The following MAST4 variants were observed in gnomAD, a reference collection of about 807,000 sequenced individuals.
MAST4 encodes the protein microtubule-associated serine/threonine-protein kinase 4.
MAST4 carries 89 observed loss-of-function variants against 162.7 expected under a neutral mutation model. The ratio of observed to expected loss-of-function variants is 0.55; its 90% CI spans 0.46 to 0.65. The LOEUF is 0.65. Ranked by LOEUF, MAST4 falls within the 30% of genes least tolerant of loss-of-function variation. The pLI is 0.00. For missense variants in MAST4, 3,153 were observed against 3,374.0 expected, an observed-to-expected ratio of 0.93 and a Z score of 1.62; for synonymous variants, 1,479 against 1,361.1, an observed-to-expected ratio of 1.09 and a Z score of -1.91.
intron 7 of MAST4, among the ~76,000 whole-genome samples, chr5:67,098,915 A>T (rs556021198): frequency 6.6e-6 from 1 of 152,296 alleles, no homozygotes; most frequent in South Asian, 2.1e-4. Flanking sequence ...TTGAATCAAC[A>T]TTCATACTAA....
chr5:66,799,100 T>TAA (rs1755792146), intron 3 of MAST4, among the ~76,000 whole-genome samples: 4 of 151,940 alleles, frequency 2.6e-5, no homozygotes, highest in African/African-American at 9.7e-5. Flanking sequence ...CTCATCTTTA[T>TAA]GTGCTTCTGG....
intron 5 of MAST4, among the ~76,000 whole-genome samples, chr5:67,072,237 A>G (rs1761081852): frequency 6.6e-6 from 1 of 152,230 alleles, no homozygotes; most frequent in Admixed American, 6.5e-5. Context: ...ATTTACTGTG[A>G]ATTTTTGGGA....
intron 1 of MAST4, among the ~76,000 whole-genome samples, chr5:66,693,471 G>A (rs1274082115): frequency 6.6e-6 from 1 of 152,306 alleles, no homozygotes; most frequent in Non-Finnish European, 1.5e-5. Flanking sequence ...CCAAGTGTGT[G>A]TTTTGTTTTC....
chr5:67,028,204 C>T (rs923522175), intron 4 of MAST4, among the ~76,000 whole-genome samples: 1 of 142,894 alleles, frequency 7.0e-6, no homozygotes, highest in Non-Finnish European at 1.6e-5. Flanking sequence ...AAGAAGTAAA[C>T]AACCTTGATG....
At chr5:66,653,684 A>G (rs1184257635) in intron 1 of MAST4, among the ~76,000 whole-genome samples, 1 of 152,132 alleles carries the variant, frequency 6.6e-6, no homozygotes, top group Non-Finnish European at 1.5e-5. Context: ...TCACTGTGCA[A>G]GGCCATCTGA....
intron 1 of MAST4, among the ~76,000 whole-genome samples, chr5:66,673,253 CTT>C (rs1747720634): frequency 6.6e-6 from 1 of 152,006 alleles, no homozygotes; most frequent in African/African-American, 2.4e-5. Flanking sequence ...TATAAATTAA[CTT>C]TGTCCATAGT....
intron 3 of MAST4, among the ~76,000 whole-genome samples, chr5:66,813,323 TTACTG>T (rs771912865): frequency 1.4e-4 from 22 of 152,208 alleles, no homozygotes; most frequent in Non-Finnish European, 2.8e-4. Context: ...TCTTCCAACT[TTACTG>T]GAGGTTTGAA....
In MAST4 at chr5:66,597,899, A is replaced by T. The variant is rs536106442; in HGVS notation, c.363+881A>T. Among the ~76,000 whole-genome samples the T allele has an allele frequency of 4.4e-3, 516 of 116,058 alleles. 3 individuals carry two copies. The highest frequency in any genetic ancestry group is 0.017 in the African/African-American group (474 of 27,642). The allele number at this position is 116,058 out of a possible 152,430, so 76.1% of individuals were successfully genotyped here. ...CACGTCTCAGAGCCAGACTCAGTTTAAAAAAAAAAAAGATTGTTTGCTTTG... is the reference window on the plus strand; with the variant it reads ...CACGTCTCAGAGCCAGACTCAGTTTTAAAAAAAAAAAGATTGTTTGCTTTG... On this transcript the variant is annotated intron_variant, in intron 1 of 28. Transcript: ENST00000403625.
intron 5 of MAST4, among the ~76,000 whole-genome samples, chr5:67,089,377 A>G (rs1763586417): frequency 6.6e-6 from 1 of 152,194 alleles, no homozygotes; most frequent in South Asian, 2.1e-4. Context: ...GCCCCAGAGG[A>G]GCTGCCCTCC....
Position 67,166,653 on chromosome 5 carries a change from C to A in MAST4, c.7474C>A (p.Leu2492Met). 1 of 1,598,814 alleles carries A rather than the reference C, an allele frequency of 6.3e-7. No individual in the cohort carries two copies. Among genetic ancestry groups the A allele is most frequent in the Non-Finnish European group, 8.5e-7 (1 of 1,172,916 alleles). The change falls in exon 29 of 29, where the codon CTG (leucine) becomes ATG (methionine). Residue 2492 changes from leucine to methionine, a missense_variant. This residue lies in a region of MAST4 where 1,644 missense variants were observed against 1,495.0 expected (regional missense o/e 1.10). Transcript: ENST00000403625. ...TTCTGCCAAGGCCGCCGGGGGCATG[C>A]TGGAGCTTCCAGCCCCCAGCAACAG... ...TSSAKAAGGM[L>M]ELPAPSNRDH...
intron 4 of MAST4, chr5:66,958,805 C>T (rs143030062): frequency 6.2e-6 from 1 of 162,006 alleles, no homozygotes; most frequent in South Asian, 1.8e-4. Flanking sequence ...GAGAGCATCA[C>T]AGGGAGGTGG....
Position 67,165,136 on chromosome 5 carries a change from C to T in MAST4, c.5957C>T (p.Ser1986Phe), listed in dbSNP as rs1297446100. ...CCTCCCACAGCCAGAAGCGAGCGCT[C>T]TGCTGCGAGGGCTGACACATGCAGA... ...RGPPTARSERSAARADTCREP... is the reference protein window; with the variant it reads ...RGPPTARSERFAARADTCREP... The change falls in exon 29 of 29, where the codon TCT becomes TTT. Residue 1986 changes from serine (S) to phenylalanine (F), a missense_variant. Coordinates refer to ENST00000403625, the MANE Select transcript of MAST4 (RefSeq NM_001164664.2). 2 of 1,590,798 alleles carry T rather than the reference C, an allele frequency of 1.3e-6. No homozygotes were observed. The highest frequency in any genetic ancestry group is 1.8e-5 in the Admixed American group (1 of 55,840).
intron 1 of MAST4, among the ~76,000 whole-genome samples, chr5:66,599,987 G>A (rs1742452656): frequency 1.3e-5 from 2 of 151,882 alleles, no homozygotes; most frequent in South Asian, 4.2e-4. Flanking sequence ...TAAAATTCAA[G>A]CTTCTAGTAT....
At chr5:66,960,131 C>T (rs1745830100) in intron 4 of MAST4, among the ~76,000 whole-genome samples, 1 of 152,186 alleles carries the variant, frequency 6.6e-6, no homozygotes, top group South Asian at 2.1e-4. Flanking sequence ...TATAAAATTA[C>T]ATTTCAGTGA....
chr5:67,049,025 A>ATATATATATATATG (rs1757766906), intron 4 of MAST4, among the ~76,000 whole-genome samples: 3 of 69,082 alleles, frequency 4.3e-5, no homozygotes, highest in Admixed American at 3.4e-4. Context: ...ATATATACGT[A>ATATATATATATATG]TATATATATA....
At chr5:66,653,414 T>C (rs906759884) in intron 1 of MAST4, among the ~76,000 whole-genome samples, 1 of 152,178 alleles carries the variant, frequency 6.6e-6, no homozygotes, top group Non-Finnish European at 1.5e-5. Context: ...ACTTGGTGGA[T>C]CCTGTAACTG....
Position 67,142,471 on chromosome 5 carries a change from A to G in MAST4, c.2668A>G (p.Asn890Asp). ...HMETEEEDDTNDEDFNVEIRQ... is the reference protein window; with the variant it reads ...HMETEEEDDTDDEDFNVEIRQ... ...GGAAACGGAGGAAGAAGATGACACA[A>G]ATGATGAAGACTTTAATGTGGAAAT... The change falls in exon 21 of 29, where the codon AAT becomes GAT. Residue 890 changes from asparagine to aspartate, a missense_variant. Asn to Asp is a conservative substitution (Grantham distance 23). This residue lies in a region of MAST4 where 619 missense variants were observed against 744.2 expected (regional missense o/e 0.83). Transcript: ENST00000403625. 6.2e-7 allele frequency: 1 copy of G among 1,600,666 alleles called. No homozygotes were observed. Among genetic ancestry groups the G allele is most frequent in the Non-Finnish European group, 8.5e-7 (1 of 1,173,136 alleles).
chr5:66,976,361 C>G (rs1748147581), intron 4 of MAST4, among the ~76,000 whole-genome samples: 1 of 152,238 alleles, frequency 6.6e-6, no homozygotes, highest in South Asian at 2.1e-4. Flanking sequence ...GCTGCCACCT[C>G]TGCATATATG....
chr5:67,037,634 C>G (rs1222877509), intron 4 of MAST4, among the ~76,000 whole-genome samples: 4 of 152,128 alleles, frequency 2.6e-5, no homozygotes, highest in African/African-American at 9.7e-5. Context: ...TTAACTCTTT[C>G]TCCTGGATGA....
Sources: allele counts gnomAD v4.1 joint callset (sites outside exome capture counted in the v4.1 genomes callset), GRCh38; gene constraint gnomAD v4.1.1; regional missense constraint gnomAD v4.1.1; transcripts MANE v1.5; gene names NCBI Gene and HGNC (gene_info 2026-07-23, HGNC 2026-07-21).